The following TMEM161A variants were observed in gnomAD, a reference collection of about 807,000 sequenced individuals.
TMEM161A encodes transmembrane protein 161A.
Under a neutral mutation model 57.1 loss-of-function variants are expected in TMEM161A, and 46 were observed. The observed-to-expected ratio is 0.81, with a 90% confidence interval of 0.64 to 1.03. The LOEUF (loss-of-function observed/expected upper bound fraction) is 1.03, where lower values mean the gene tolerates loss of function less well. Among genes scored for constraint, TMEM161A ranks in the 50% least tolerant of loss-of-function variants. The probability of loss-of-function intolerance (pLI) is 0.00; values close to 1 mark genes in which losing one functional copy is unlikely to be tolerated. For synonymous variants in TMEM161A, 288 were observed against 279.0 expected, an observed-to-expected ratio of 1.03 and a Z score of -0.32; for missense variants, 601 against 621.5, an observed-to-expected ratio of 0.97 and a Z score of 0.35.
Position 19,121,869 on chromosome 19 carries a change from A to G in TMEM161A, c.596-50T>C, listed in dbSNP as rs1437462150. ...AGTAGAGTGAATTCCTAGGGTCTCT[A>G]AGGCCACTCTGTTCCCTAACCCCCC... is the stretch of plus-strand genomic sequence containing the variant. On this transcript the variant is annotated intron_variant, in intron 6 of 11. Coordinates refer to ENST00000162044, the MANE Select transcript of TMEM161A (RefSeq NM_017814.3). This position sits in a 1 kb window ranked among gnomAD's most constrained non-coding sequence, Gnocchi z 5.8. 6 of 1,599,940 alleles carry G rather than the reference A, an allele frequency of 3.8e-6. No homozygotes were observed. Among genetic ancestry groups the G allele is most frequent in the Non-Finnish European group, 5.1e-6 (6 of 1,170,712 alleles).
At chr19:19,136,526 G>A (rs1453839940) in intron 1 of TMEM161A, among the ~76,000 whole-genome samples, 2 of 151,910 alleles carry the variant, frequency 1.3e-5, no homozygotes, top group East Asian at 1.9e-4. Flanking sequence ...CATGGTGGTG[G>A]GCGCCTGTAA....
intron 6 of TMEM161A, among the ~76,000 whole-genome samples, chr19:19,126,171 A>C (rs1372731894): frequency 6.6e-6 from 1 of 152,062 alleles, no homozygotes; most frequent in Non-Finnish European, 1.5e-5. Context: ...TCTCAAAAAA[A>C]AAAAAAAAGA....
Position 19,130,392 on chromosome 19 carries a change from C to T in TMEM161A, c.444-85G>A, listed in dbSNP as rs77811722. The T allele has an allele frequency of 3.7e-3, 5,685 of 1,553,852 alleles. 172 individuals carry two copies. In the African/African-American group the frequency reaches 0.066, roughly 18 times the overall value. The stretch of plus-strand genomic sequence containing the variant: ...CACTCCGTCTGGGACCCCAGAACTC[C>T]AGGGAACAAGCACTGCTGCACAAAT... On this transcript the variant is annotated intron_variant, in intron 5 of 11. Transcript: ENST00000162044.
intron 2 of TMEM161A, 174 bp from the exon 3 acceptor site, chr19:19,133,384 C>T: frequency 1.6e-6 from 1 of 612,930 alleles, no homozygotes; most frequent in South Asian, 2.1e-5. Context: ...ACCAACAGAT[C>T]TAGGCTGAGT....
intron 1 of TMEM161A, 75 bp from the exon 2 acceptor site, chr19:19,134,962 A>G (rs3746259): frequency 0.41 from 439,737 of 1,077,034 alleles, 91,649 homozygotes; most frequent in Middle Eastern, 0.46. Context: ...AACCCAGGCT[A>G]TTTATAGAGA....
chr19:19,120,807 G>T lies in TMEM161A; in HGVS notation c.1144C>A (p.Leu382Ile), dbSNP rs759258552. 1 of 1,613,502 alleles carries T rather than the reference G, an allele frequency of 6.2e-7. No homozygotes were observed. The highest frequency in any genetic ancestry group is 1.1e-5 in the South Asian group (1 of 91,086). ...TVVSLQYLTP[L>I]ILTLNCTLLL... ...AGTGTGCAGTTGAGGGTGAGGATGA[G>T]CGGCGTCAGGTACTGCAAGCTCACC... is the stretch of plus-strand genomic sequence containing the variant. Residue 382 changes from leucine (L) to isoleucine (I), a missense_variant, in exon 11 of 12, where the codon CTC (leucine) becomes ATC (isoleucine). Physicochemically the swap from Leu to Ile is conservative, Grantham distance 5. Transcript: ENST00000162044.
At position 19,119,491 on chromosome 19, in the gene TMEM161A, C is replaced by G. The variant is rs1410583532; in HGVS notation, c.*439G>C. The G allele has an allele frequency of 5.7e-6, 1 of 175,196 alleles. No homozygotes were observed. Among genetic ancestry groups the G allele is most frequent in the Non-Finnish European group, 1.2e-5 (1 of 80,970 alleles). 10.9% of individuals were successfully genotyped at this position (175,196 alleles called of 1,614,324 possible). A position where few individuals can be genotyped will look rare whatever the true frequency, so the allele number is the denominator to read the frequency against. ...CCTTTCTCCTCCCAGACCTTTGCTC[C>G]CCTCTCAGTCCTGCTCCTCTCTCCC... On this transcript the variant is annotated 3_prime_UTR_variant, in exon 12 of 12. Transcript: ENST00000162044.
Position 19,133,067 on chromosome 19 carries a change from G to A in TMEM161A, c.188+63C>T, listed in dbSNP as rs1033208110. On this transcript the variant is annotated intron_variant, in intron 3 of 11. Transcript: ENST00000162044. ...TGAGCCCAGAGCCCCCTGAGCAGGG[G>A]TGAGGCCGTTCCTGGGGAGGAGCCA... 36 of 1,504,290 alleles carry A rather than the reference G, an allele frequency of 2.4e-5. No homozygotes were observed. In the Admixed American group the frequency reaches 3.1e-4, roughly 13 times the overall value. The allele number at this position is 1,504,290 out of a possible 1,614,324, so 93.2% of individuals were successfully genotyped here. A position where few individuals can be genotyped will look rare whatever the true frequency, so the allele number is the denominator to read the frequency against.
chr19:19,129,507 A>G (rs2059947220), intron 6 of TMEM161A, among the ~76,000 whole-genome samples: 1 of 152,148 alleles, frequency 6.6e-6, no homozygotes, highest in Non-Finnish European at 1.5e-5. Context: ...ACAATTTGGG[A>G]GGCTGAGGCG....
chr19:19,130,065 C>T (rs576009506), intron 6 of TMEM161A, 91 bp downstream of exon 6: 11 of 1,478,730 alleles, frequency 7.4e-6, no homozygotes, highest in Admixed American at 7.4e-5. Flanking sequence ...TTTGCCTACT[C>T]GTGCTGGACA....
chr19:19,119,739 A>C lies in TMEM161A; in HGVS notation c.*191T>G. On this transcript the variant is annotated 3_prime_UTR_variant, in exon 12 of 12. Transcript: ENST00000162044. Reference sequence around the variant, plus strand: ...TCGGGACCCTCATGCTGCTGGGCCCAGGAGAGACAGTTCTGAGGCAGAAAC... The same window carrying C: ...TCGGGACCCTCATGCTGCTGGGCCCCGGAGAGACAGTTCTGAGGCAGAAAC... 1.5e-6 allele frequency: 1 copy of C among 681,230 alleles called. No homozygotes were observed. Among genetic ancestry groups the C allele is most frequent in the South Asian group, 1.9e-5 (1 of 51,620 alleles). 42.2% of individuals were successfully genotyped at this position (681,230 alleles called of 1,614,324 possible). A position where few individuals can be genotyped will look rare whatever the true frequency, so the allele number is the denominator to read the frequency against.
At chr19:19,135,248 C>G (rs1273212746) in intron 1 of TMEM161A, among the ~76,000 whole-genome samples, 1 of 152,144 alleles carries the variant, frequency 6.6e-6, no homozygotes, top group Non-Finnish European at 1.5e-5. Flanking sequence ...GTATTCCTCA[C>G]CACCACCTTC....
In TMEM161A at chr19:19,119,414, G is replaced by A. The variant is rs904861346; in HGVS notation, c.*516C>T. On this transcript the variant is annotated 3_prime_UTR_variant, in exon 12 of 12. Transcript: ENST00000162044. ...GCCCGCCTTGGCTTCCCAAAGTGCT[G>A]GGATTTGGGATTACGGGCGTGAGCC... 1.3e-5 allele frequency: 2 copies of A among 157,670 alleles called. No homozygotes were observed. Among genetic ancestry groups the A allele is most frequent in the African/African-American group, 4.8e-5 (2 of 41,520 alleles). The allele number at this position is 157,670 out of a possible 1,614,324, so 9.8% of individuals were successfully genotyped here. A position where few individuals can be genotyped will look rare whatever the true frequency, so the allele number is the denominator to read the frequency against.
rs1220743906 is a variant in TMEM161A at position 19,121,817 on chromosome 19, G to C, written c.598C>G (p.Leu200Val). 8 of 1,613,686 alleles carry C rather than the reference G, an allele frequency of 5.0e-6. No homozygotes were observed. The highest frequency in any genetic ancestry group is 3.4e-6 in the Non-Finnish European group (4 of 1,179,994). ...TCTAAGTTCTGGGTCATGCTGGCCA[G>C]ACCTGGGGACGATAAGAAGAGGACC... ...ETLELGLEPGLASMTQNLEPL... is the reference protein window; with the variant it reads ...ETLELGLEPGVASMTQNLEPL... The change falls in exon 7 of 12, where the codon CTG becomes GTG. Residue 200 changes from leucine (L) to valine (V), a missense_variant and splice_region_variant. By Grantham distance (32) the Leu-to-Val change is conservative (BLOSUM62 1). Coordinates refer to ENST00000162044, the MANE Select transcript of TMEM161A (RefSeq NM_017814.3). This position sits in a 1 kb window ranked among gnomAD's most constrained non-coding sequence, Gnocchi z 5.8.
chr19:19,121,905 C>CA lies in TMEM161A; in HGVS notation c.596-87dup, dbSNP rs1449018409. The CA allele has an allele frequency of 1.0e-5, 15 of 1,463,110 alleles. No homozygotes were observed. The South Asian group carries it at 1.4e-4, about 14-fold the overall frequency. 90.6% of individuals were successfully genotyped at this position (1,463,110 alleles called of 1,614,324 possible). On this transcript the variant is annotated intron_variant, in intron 6 of 11. Transcript: ENST00000162044. The surrounding 1 kb of genome is among the most constrained non-coding windows in gnomAD (Gnocchi z 5.8). ...GTTCCCTAACCCCCCATCCCTCAGG[C>CA]ATCCGTTTGCTTCCCAAGTAGGAAT...
At chr19:19,124,308 G>A (rs188674683) in intron 6 of TMEM161A, among the ~76,000 whole-genome samples, 1 of 152,118 alleles carries the variant, frequency 6.6e-6, no homozygotes, top group Non-Finnish European at 1.5e-5. Context: ...ATGGAGATTT[G>A]AATTTATTAA....
At chr19:19,133,621 G>A (rs10419900) in intron 2 of TMEM161A, among the ~76,000 whole-genome samples, 3,309 of 152,100 alleles carry the variant, frequency 0.022, 119 homozygotes, top group African/African-American at 0.075. Context: ...ACAGGCATGC[G>A]CCACCATGCC....
Position 19,132,572 on chromosome 19 carries a change from C to A in TMEM161A, c.287-64G>T. The A allele has an allele frequency of 6.3e-7, 1 of 1,578,436 alleles. No homozygotes were observed. The highest frequency in any genetic ancestry group is 8.6e-7 in the Non-Finnish European group (1 of 1,161,490). On this transcript the variant is annotated intron_variant, in intron 4 of 11. Coordinates refer to ENST00000162044, the MANE Select transcript of TMEM161A (RefSeq NM_017814.3). The surrounding 1 kb of genome is among the most constrained non-coding windows in gnomAD (Gnocchi z 4.3). Reference sequence around the variant, plus strand: ...GCTCCCCTCCTAATAGAACATTCTTCCTTCAAATCCTCCCCACCCCCATGA... The same window carrying A: ...GCTCCCCTCCTAATAGAACATTCTTACTTCAAATCCTCCCCACCCCCATGA...
rs1568531622 is a variant in TMEM161A at position 19,119,713 on chromosome 19, C to T, written c.*217G>A. 1.7e-6 allele frequency: 1 copy of T among 604,460 alleles called. No individual in the cohort carries two copies. Among genetic ancestry groups the T allele is most frequent in the Non-Finnish European group, 2.9e-6 (1 of 345,962 alleles). 37.4% of individuals were successfully genotyped at this position (604,460 alleles called of 1,614,324 possible). ...GCACATACGCTTCGGAGACAATGGCCTCGGGACCCTCATGCTGCTGGGCCC... is the reference window on the plus strand; with the variant it reads ...GCACATACGCTTCGGAGACAATGGCTTCGGGACCCTCATGCTGCTGGGCCC... On this transcript the variant is annotated 3_prime_UTR_variant, in exon 12 of 12. Coordinates refer to ENST00000162044, the MANE Select transcript of TMEM161A (RefSeq NM_017814.3).
Sources: gnomAD v4.1 joint callset for allele counts (sites outside exome capture counted in the v4.1 genomes callset) on GRCh38, gnomAD v4.1.1 for gene constraint, Gnocchi (gnomAD v3.1) non-coding constraint, MANE v1.5 for transcripts, NCBI Gene and HGNC (gene_info 2026-07-23, HGNC 2026-07-21) for gene names.